Variants in TUSC3 observed in about 807,000 individuals in gnomAD.
The protein encoded by TUSC3 is dolichyl-diphosphooligosaccharide--protein glycosyltransferase subunit TUSC3.
In TUSC3, 45 loss-of-function variants were observed where a neutral mutation model predicts 44.8. The observed-to-expected ratio is 1.00, with a 90% CI of 0.79 to 1.29. The LOEUF is 1.29. Ranked by LOEUF, TUSC3 falls within the 50% of genes most tolerant of loss-of-function variation. The pLI is 0.00. For synonymous variants in TUSC3, 212 were observed against 152.9 expected (o/e 1.39, Z -2.85); for missense variants, 519 against 437.9 (o/e 1.19, Z -1.65).
At chr8:15,632,996 A>C (rs1246726037) in intron 2 of TUSC3, among the ~76,000 whole-genome samples, 1 of 152,196 alleles carries the variant, frequency 6.6e-6, no homozygotes, top group Non-Finnish European at 1.5e-5. Context: ...AATGATATTT[A>C]GAAAGCAAAA....
At chr8:15,841,082 T>C in the TUSC3 span, among the ~76,000 whole-genome samples, 1 of 152,180 alleles carries the variant, frequency 6.6e-6, no homozygotes, top group East Asian at 1.9e-4. Flanking sequence ...AGTTGTTCCC[T>C]AGTTTGGCAT....
intron 5 of TUSC3, among the ~76,000 whole-genome samples, chr8:15,665,214 A>G (rs967046209): frequency 9.9e-5 from 15 of 151,586 alleles, no homozygotes; most frequent in Admixed American, 8.6e-4. Context: ...TCTTAAAATA[A>G]AACAGTAATG....
intron 2 of TUSC3, among the ~76,000 whole-genome samples, chr8:15,630,874 G>T (rs1451809911): frequency 6.6e-6 from 1 of 152,170 alleles, no homozygotes; most frequent in Non-Finnish European, 1.5e-5. Flanking sequence ...TTACAGAGAG[G>T]TCACACCTCT....
chr8:15,631,727 A>T (rs559985425), intron 2 of TUSC3, among the ~76,000 whole-genome samples: 1 of 151,302 alleles, frequency 6.6e-6, no homozygotes, highest in African/African-American at 2.4e-5. Flanking sequence ...TGTTTTTAAG[A>T]CACAGTCTTG....
At chr8:15,820,365 G>T in the TUSC3 span, among the ~76,000 whole-genome samples, 1 of 143,850 alleles carries the variant, frequency 7.0e-6, no homozygotes, top group Non-Finnish European at 1.5e-5. Context: ...AAGCTGGAGT[G>T]CAGTGGCGCG....
At chr8:15,829,079 T>C in the TUSC3 span, among the ~76,000 whole-genome samples, 1 of 152,176 alleles carries the variant, frequency 6.6e-6, no homozygotes, top group Admixed American at 6.5e-5. Context: ...TTCTCATACT[T>C]ACCCACTTCT....
chr8:15,851,285 TACATCA>T, the TUSC3 span, among the ~76,000 whole-genome samples: 1 of 152,282 alleles, frequency 6.6e-6, no homozygotes, highest in Admixed American at 6.5e-5. Context: ...GTGCCAGGGA[TACATCA>T]ATGAAAAAAG....
At chr8:15,584,680 A>T (rs1181271946) in intron 1 of TUSC3, among the ~76,000 whole-genome samples, 1 of 151,826 alleles carries the variant, frequency 6.6e-6, no homozygotes, top group Non-Finnish European at 1.5e-5. Flanking sequence ...TGCCCGTTGG[A>T]TCTGGAATAT....
intron 1 of TUSC3, among the ~76,000 whole-genome samples, chr8:15,576,673 G>T (rs1176436633): frequency 7.3e-6 from 1 of 136,812 alleles, no homozygotes; most frequent in Non-Finnish European, 1.5e-5. Flanking sequence ...AGTATTCCAT[G>T]GTGTATATGT....
At chr8:15,553,946 G>A (rs1199212564) in intron 1 of TUSC3, among the ~76,000 whole-genome samples, 4 of 151,676 alleles carry the variant, frequency 2.6e-5, no homozygotes, top group African/African-American at 9.7e-5. Flanking sequence ...GTGTCAGGCT[G>A]TTCAGACTGC....
At chr8:15,509,192 G>A (rs1801099565) in intron 2 of TUSC3, among the ~76,000 whole-genome samples, 3 of 152,226 alleles carry the variant, frequency 2.0e-5, no homozygotes, top group Admixed American at 2.0e-4. Flanking sequence ...ACAGAGTACA[G>A]AAGAGCAAAT....
the TUSC3 span, among the ~76,000 whole-genome samples, chr8:15,803,189 G>C: frequency 6.8e-6 from 1 of 147,256 alleles, no homozygotes; most frequent in African/African-American, 2.4e-5. Context: ...TGCCTAAAAC[G>C]TGCTTTATTA....
intron 1 of TUSC3, among the ~76,000 whole-genome samples, chr8:15,424,195 G>C (rs574331410): frequency 6.6e-6 from 1 of 151,770 alleles, no homozygotes; most frequent in South Asian, 2.1e-4. Flanking sequence ...CACCATGTTA[G>C]CCAGGATAGT....
intron 5 of TUSC3, among the ~76,000 whole-genome samples, chr8:15,663,713 A>G (rs527486968): frequency 1.3e-5 from 2 of 152,056 alleles, no homozygotes; most frequent in East Asian, 3.9e-4. Context: ...AAATGGATTA[A>G]TTAATTGTAC....
intron 6 of TUSC3, among the ~76,000 whole-genome samples, chr8:15,727,894 T>A (rs1810563252): frequency 6.6e-6 from 1 of 152,208 alleles, no homozygotes; most frequent in African/African-American, 2.4e-5. Flanking sequence ...AATCCTATTT[T>A]AAAAATAATT....
chr8:15,577,939 C>G (rs1384898389), intron 1 of TUSC3, among the ~76,000 whole-genome samples: 1 of 150,498 alleles, frequency 6.6e-6, no homozygotes, highest in Non-Finnish European at 1.5e-5. Flanking sequence ...ATTCTTCCTA[C>G]CCATGAGCAT....
At chr8:15,758,976 G>A (rs1010890524) in intron 10 of TUSC3, among the ~76,000 whole-genome samples, 1 of 152,054 alleles carries the variant, frequency 6.6e-6, no homozygotes, top group African/African-American at 2.4e-5. Context: ...TCTGGGTTTA[G>A]CAATCTTCTA....
chr8:15,793,779 C>T, the TUSC3 span, among the ~76,000 whole-genome samples: 1 of 152,154 alleles, frequency 6.6e-6, no homozygotes, highest in Non-Finnish European at 1.5e-5. Context: ...CATATAGGAG[C>T]ACATATAGGG....
At chr8:15,824,656 T>C in the TUSC3 span, among the ~76,000 whole-genome samples, 1 of 152,028 alleles carries the variant, frequency 6.6e-6, no homozygotes, top group Non-Finnish European at 1.5e-5. Flanking sequence ...ATACCTAATG[T>C]TAAATGACGA....
Sources: allele counts gnomAD v4.1 joint callset (sites outside exome capture counted in the v4.1 genomes callset), GRCh38; gene constraint gnomAD v4.1.1; transcripts MANE v1.5; gene names NCBI Gene and HGNC (gene_info 2026-07-23, HGNC 2026-07-21).